Variants in PPP1R9A observed in about 807,000 individuals in gnomAD.
PPP1R9A encodes the protein neurabin-1.
Under a neutral mutation model 141.9 loss-of-function variants are expected in PPP1R9A, and 59 were observed. The ratio of observed to expected loss-of-function variants is 0.42; its 90% confidence interval spans 0.34 to 0.52. The LOEUF (loss-of-function observed/expected upper bound fraction) is 0.52. Among genes scored for constraint, PPP1R9A ranks in the 20% least tolerant of loss-of-function variants. The probability of loss-of-function intolerance (pLI) is 0.10; values close to 1 mark genes in which losing one functional copy is unlikely to be tolerated. For synonymous variants in PPP1R9A, 500 were observed against 569.7 expected (o/e 0.88, Z 1.74); for missense variants, 1,444 against 1,611.9 (o/e 0.90, Z 1.78).
At chr7:95,101,385 T>G (rs1056931415) in intron 2 of PPP1R9A, among the ~76,000 whole-genome samples, 1 of 152,240 alleles carries the variant, frequency 6.6e-6, no homozygotes, top group Non-Finnish European at 1.5e-5. Context: ...TACTTCTCAC[T>G]GATGTTACAT....
Position 95,188,566 on chromosome 7 carries a change from GT to G in PPP1R9A, c.1755-9780del, listed in dbSNP as rs546954222. On this transcript the variant is annotated intron_variant, in intron 5 of 19. Coordinates refer to ENST00000433360, the MANE Select transcript of PPP1R9A (RefSeq NM_001166160.2). The stretch of plus-strand genomic sequence containing the variant: ...ATACTTTGTTTGTTTGTTTGTTTTT[GT>G]TTGTGTGTGTGTGTGTGTCTGTGTT... Among the ~76,000 whole-genome samples, 27 of 146,682 alleles carry G rather than the reference GT, an allele frequency of 1.8e-4. No homozygotes were observed. The East Asian group carries it at 4.6e-3, about 25-fold the overall frequency.
intron 2 of PPP1R9A, among the ~76,000 whole-genome samples, chr7:94,995,782 G>C (rs1802094156): frequency 6.6e-6 from 1 of 151,966 alleles, no homozygotes; most frequent in South Asian, 2.1e-4. Flanking sequence ...TGATTTCAAT[G>C]AATTGATTTT....
intron 7 of PPP1R9A, among the ~76,000 whole-genome samples, chr7:95,204,954 A>T (rs1790460093): frequency 6.9e-6 from 1 of 144,930 alleles, no homozygotes; most frequent in South Asian, 2.3e-4. Flanking sequence ...CACACACGAC[A>T]CGCACACACC....
At chr7:95,062,790 T>A (rs1041325765) in intron 2 of PPP1R9A, among the ~76,000 whole-genome samples, 35 of 149,528 alleles carry the variant, frequency 2.3e-4, no homozygotes, top group Admixed American at 4.0e-4. Context: ...TTCTATGTTT[T>A]AAAAAAAAAA....
chr7:95,000,086 A>G (rs1384866544), intron 2 of PPP1R9A, among the ~76,000 whole-genome samples: 2 of 152,180 alleles, frequency 1.3e-5, no homozygotes, highest in Non-Finnish European at 2.9e-5. Context: ...TACAGGCATG[A>G]GCCACCGCGC....
chr7:95,060,390 A>G (rs1812075670), intron 2 of PPP1R9A, among the ~76,000 whole-genome samples: 1 of 152,208 alleles, frequency 6.6e-6, no homozygotes, highest in Non-Finnish European at 1.5e-5. Context: ...ACCAGGGATT[A>G]AGGTACAGGT....
At chr7:95,026,955 G>T (rs577816433) in intron 2 of PPP1R9A, among the ~76,000 whole-genome samples, 2 of 152,226 alleles carry the variant, frequency 1.3e-5, no homozygotes, top group Admixed American at 1.3e-4. Flanking sequence ...GAGTGTCCCA[G>T]TTCGACTTCA....
At position 95,089,059 on chromosome 7, in the gene PPP1R9A, A is replaced by G. The variant is rs147923044; in HGVS notation, c.1396-22200A>G. Among the ~76,000 whole-genome samples, 3 of 152,174 alleles carry G rather than the reference A, an allele frequency of 2.0e-5. No homozygotes were observed. In the East Asian group the frequency reaches 5.8e-4, roughly 29 times the overall value. ...GGAAGAGCAGATCTTCTGAGTCACC[A>G]TGCCAACGTCTATTTATAAGTAGGA... On this transcript the variant is annotated intron_variant, in intron 2 of 19. Coordinates refer to ENST00000433360, the MANE Select transcript of PPP1R9A (RefSeq NM_001166160.2).
chr7:95,191,392 G>C (rs1835474340), intron 5 of PPP1R9A, among the ~76,000 whole-genome samples: 1 of 152,072 alleles, frequency 6.6e-6, no homozygotes, highest in African/African-American at 2.4e-5. Flanking sequence ...ATTATGTTTT[G>C]ATTTATAATG....
intron 13 of PPP1R9A, among the ~76,000 whole-genome samples, 164 bp downstream of exon 13, chr7:95,268,871 A>G (rs927508129): frequency 6.6e-6 from 1 of 152,190 alleles, no homozygotes; most frequent in Non-Finnish European, 1.5e-5. Context: ...TATTGTTGTA[A>G]TTCAAAATAT....
chr7:95,194,234 A>G (rs1835911473), intron 5 of PPP1R9A, among the ~76,000 whole-genome samples: 1 of 152,066 alleles, frequency 6.6e-6, no homozygotes, highest in East Asian at 1.9e-4. Flanking sequence ...AAATTTACCA[A>G]AAATGTAATG....
At chr7:95,072,352 AT>A (rs1312104622) in intron 2 of PPP1R9A, among the ~76,000 whole-genome samples, 3 of 144,232 alleles carry the variant, frequency 2.1e-5, no homozygotes, top group Non-Finnish European at 4.5e-5. Flanking sequence ...AAGTTATATT[AT>A]TATATAATAT....
chr7:95,275,523 G>A (rs1242901076), intron 16 of PPP1R9A, among the ~76,000 whole-genome samples: 2 of 151,940 alleles, frequency 1.3e-5, no homozygotes, highest in Non-Finnish European at 2.9e-5. Flanking sequence ...GGCAGTTAAT[G>A]TCAACCTGGG....
rs146205735 is a variant in PPP1R9A, at chr7:95,295,252, T to A, written c.*4949T>A. ...CGTTGTGTATACATTGAATGGCTCA[T>A]AGATTTTAAGAGATTTTTTTATTGT... On this transcript the variant is annotated 3_prime_UTR_variant, in exon 20 of 20. Transcript: ENST00000433360. 1.1e-4 allele frequency: 17 copies of A among 152,776 alleles called. No individual in the cohort carries two copies. The highest frequency in any genetic ancestry group is 3.8e-4 in the African/African-American group (16 of 41,588). 9.5% of individuals were successfully genotyped at this position (152,776 alleles called of 1,614,324 possible). A position where few individuals can be genotyped will look rare whatever the true frequency, so the allele number is the denominator to read the frequency against.
chr7:95,166,345 A>C lies in PPP1R9A; in HGVS notation c.1754+4374A>C, dbSNP rs184693205. Among the ~76,000 whole-genome samples the C allele has an allele frequency of 6.6e-5, 10 of 152,266 alleles. No individual in the cohort carries two copies. The East Asian group carries it at 1.9e-3, about 29-fold the overall frequency. ...CTGTGTATAAGTAAAATTTATGAGA[A>C]GATAGATAAGCTAAAGGAAGAACTG... On this transcript the variant is annotated intron_variant, in intron 5 of 19. Coordinates refer to ENST00000433360, the MANE Select transcript of PPP1R9A (RefSeq NM_001166160.2).
At chr7:95,091,035 T>A (rs1020980522) in intron 2 of PPP1R9A, among the ~76,000 whole-genome samples, 1 of 151,982 alleles carries the variant, frequency 6.6e-6, no homozygotes, top group Admixed American at 6.6e-5. Flanking sequence ...AATGTACCAC[T>A]TCTTTAACCC....
At chr7:95,142,318 TGATA>T (rs1349164671) in intron 4 of PPP1R9A, among the ~76,000 whole-genome samples, 1 of 152,096 alleles carries the variant, frequency 6.6e-6, no homozygotes, top group Non-Finnish European at 1.5e-5. Flanking sequence ...TTCACTTTCT[TGATA>T]GTTTCCTTAG....
At chr7:95,264,315 G>A (rs1332957331) in intron 12 of PPP1R9A, among the ~76,000 whole-genome samples, 1 of 152,128 alleles carries the variant, frequency 6.6e-6, no homozygotes, top group African/African-American at 2.4e-5. Context: ...GGCTGTTTCT[G>A]AGTGGGTTAG....
At chr7:95,219,315 G>A (rs1794040344) in intron 7 of PPP1R9A, among the ~76,000 whole-genome samples, 1 of 152,180 alleles carries the variant, frequency 6.6e-6, no homozygotes, top group South Asian at 2.1e-4. Flanking sequence ...CTTCTGGCTT[G>A]TAGAGTTTCT....
Sources: allele counts gnomAD v4.1 joint callset (sites outside exome capture counted in the v4.1 genomes callset), GRCh38; gene constraint gnomAD v4.1.1; transcripts MANE v1.5; gene names NCBI Gene and HGNC (gene_info 2026-07-23, HGNC 2026-07-21).